The following TIAM2 variants were observed in gnomAD, a reference collection of about 807,000 sequenced individuals.
TIAM2 encodes the protein rho guanine nucleotide exchange factor TIAM2.
A neutral mutation model predicts 152.9 loss-of-function variants in TIAM2; 80 were observed. The observed-to-expected ratio is 0.52, with a 90% CI of 0.44 to 0.63. The LOEUF (loss-of-function observed/expected upper bound fraction) is 0.63, where lower values mean the gene tolerates loss of function less well. TIAM2 is among the 30% of genes least tolerant of loss of function. The pLI is 0.00. For synonymous variants in TIAM2, 804 were observed against 838.0 expected (o/e 0.96, Z 0.70); for missense variants, 1,965 against 2,120.1 (o/e 0.93, Z 1.44).
At chr6:155,152,570 G>T (rs973409801) in intron 7 of TIAM2, among the ~76,000 whole-genome samples, 19 of 152,294 alleles carry the variant, frequency 1.2e-4, no homozygotes, top group African/African-American at 4.6e-4. Flanking sequence ...TCTCATCCAT[G>T]GTGCTGATTT....
intron 1 of TIAM2, among the ~76,000 whole-genome samples, chr6:155,064,889 C>A (rs1359258649): frequency 6.6e-6 from 1 of 151,446 alleles, no homozygotes; most frequent in Admixed American, 6.6e-5. Flanking sequence ...CCTTTCTCCC[C>A]TCCTCTCTCC....
intron 1 of TIAM2, among the ~76,000 whole-genome samples, chr6:155,000,644 A>C (rs1778297633): frequency 6.6e-6 from 1 of 152,144 alleles, no homozygotes; most frequent in Non-Finnish European, 1.5e-5. Context: ...CACAAAAGCA[A>C]ATTCCTTAAG....
chr6:155,189,247 A>G (rs1781128499), intron 14 of TIAM2, among the ~76,000 whole-genome samples: 1 of 152,188 alleles, frequency 6.6e-6, no homozygotes, highest in Admixed American at 6.5e-5. Flanking sequence ...AGCTCAGAGA[A>G]TGCTCTGTTT....
At chr6:155,153,692 G>C (rs889194850) in intron 7 of TIAM2, among the ~76,000 whole-genome samples, 16 of 140,846 alleles carry the variant, frequency 1.1e-4, no homozygotes, top group Non-Finnish European at 1.8e-4. Flanking sequence ...CGCAATCTCA[G>C]CTCACTGCAA....
intron 14 of TIAM2, among the ~76,000 whole-genome samples, chr6:155,193,003 A>G (rs1781246931): frequency 6.6e-6 from 1 of 152,192 alleles, no homozygotes. Context: ...CTTGGAATAG[A>G]TCTTTTACTC....
intron 14 of TIAM2, among the ~76,000 whole-genome samples, chr6:155,208,864 A>G (rs1157432763): frequency 6.6e-6 from 1 of 151,562 alleles, no homozygotes; most frequent in African/African-American, 2.4e-5. Context: ...ACACTCTTCC[A>G]TCTCTGCCCC....
chr6:155,216,070 A>G (rs1356698467), intron 15 of TIAM2, among the ~76,000 whole-genome samples: 4 of 152,040 alleles, frequency 2.6e-5, no homozygotes, highest in East Asian at 1.9e-4. Flanking sequence ...CAGCCTCCCA[A>G]TGTGCTGGGA....
intron 12 of TIAM2, 43 bp downstream of exon 12, chr6:155,179,499 T>A: frequency 6.5e-7 from 1 of 1,542,166 alleles, no homozygotes; most frequent in Non-Finnish European, 8.7e-7. Context: ...GTGTTGTTCA[T>A]CTTTGCCTAC....
chr6:155,197,583 G>A (rs538786177), intron 14 of TIAM2, among the ~76,000 whole-genome samples: 2 of 152,182 alleles, frequency 1.3e-5, no homozygotes, highest in East Asian at 1.9e-4. Flanking sequence ...AGACATACCC[G>A]AGACTGAGTA....
chr6:155,193,623 C>T (rs1044712892), intron 14 of TIAM2, among the ~76,000 whole-genome samples: 4 of 152,092 alleles, frequency 2.6e-5, no homozygotes, highest in Admixed American at 2.6e-4. Context: ...AGTTCCGCTC[C>T]CAACACAGTT....
At chr6:155,122,927 TA>T (rs1779206197) in intron 2 of TIAM2, among the ~76,000 whole-genome samples, 1 of 152,056 alleles carries the variant, frequency 6.6e-6, no homozygotes, top group Non-Finnish European at 1.5e-5. Context: ...TTCTATTAAC[TA>T]AAATAGTTTT....
At chr6:155,150,710 C>T (rs553416270) in intron 7 of TIAM2, among the ~76,000 whole-genome samples, 13 of 152,184 alleles carry the variant, frequency 8.5e-5, no homozygotes, top group Admixed American at 2.0e-4. Context: ...ATCAAGATGC[C>T]GGCAGATTCA....
At chr6:155,116,105 GA>G (rs1779004127) in intron 2 of TIAM2, among the ~76,000 whole-genome samples, 2 of 152,062 alleles carry the variant, frequency 1.3e-5, no homozygotes, top group Non-Finnish European at 2.9e-5. Flanking sequence ...TGCCATCTCA[GA>G]AAAAAAGAAT....
intron 14 of TIAM2, among the ~76,000 whole-genome samples, chr6:155,204,599 T>C (rs551656435): frequency 1.3e-5 from 2 of 152,300 alleles, no homozygotes; most frequent in Non-Finnish European, 2.9e-5. Flanking sequence ...TATTTCAGGA[T>C]AGTAAAAGTA....
intron 15 of TIAM2, among the ~76,000 whole-genome samples, chr6:155,212,890 G>A (rs1260555206): frequency 6.6e-6 from 1 of 152,320 alleles, no homozygotes; most frequent in East Asian, 1.9e-4. Flanking sequence ...GCAGCTGCAG[G>A]CTCTAGCACG....
At chr6:155,167,096 G>A (rs1583225361) in intron 9 of TIAM2, among the ~76,000 whole-genome samples, 1 of 150,268 alleles carries the variant, frequency 6.7e-6, no homozygotes, top group African/African-American at 2.4e-5. Flanking sequence ...TAGAGGTGGT[G>A]GAGAGTGGGT....
chr6:155,061,792 C>T (rs1777584126), intron 1 of TIAM2, among the ~76,000 whole-genome samples: 1 of 152,144 alleles, frequency 6.6e-6, no homozygotes, highest in African/African-American at 2.4e-5. Context: ...TCCTGAGGGT[C>T]CCTGACATCC....
chr6:155,139,240 G>T (rs1040888548), intron 5 of TIAM2, among the ~76,000 whole-genome samples: 2 of 152,180 alleles, frequency 1.3e-5, no homozygotes, highest in Admixed American at 1.3e-4. Context: ...TTCCCCAACC[G>T]TGGAGGGCAG....
chr6:155,183,680 T>C (rs893851304), intron 14 of TIAM2, among the ~76,000 whole-genome samples, 180 bp downstream of exon 14: 1 of 152,158 alleles, frequency 6.6e-6, no homozygotes, highest in Non-Finnish European at 1.5e-5. Flanking sequence ...GTTTTAGTAA[T>C]TATAGCGCTT....
Sources: gnomAD v4.1 joint callset for allele counts (sites outside exome capture counted in the v4.1 genomes callset) on GRCh38, gnomAD v4.1.1 for gene constraint, MANE v1.5 for transcripts, NCBI Gene and HGNC (gene_info 2026-07-23, HGNC 2026-07-21) for gene names.